The following VWF variants were observed in gnomAD, a reference collection of about 807,000 sequenced individuals.
VWF encodes the protein Factor VIII related antigen.
VWF carries 176 observed loss-of-function variants against 308.6 expected under a neutral mutation model. The ratio of observed to expected loss-of-function variants is 0.57; its 90% CI spans 0.50 to 0.65. The LOEUF (loss-of-function observed/expected upper bound fraction) is 0.65, where lower values mean the gene tolerates loss of function less well. Among genes scored for constraint, VWF ranks in the 30% least tolerant of loss-of-function variants. VWF has a pLI of 0.00. For synonymous variants in VWF, 1,385 were observed against 1,443.4 expected, an observed-to-expected ratio of 0.96 and a Z score of 0.92; for missense variants, 3,146 against 3,648.2, an observed-to-expected ratio of 0.86 and a Z score of 3.55.
intron 43 of VWF, among the ~76,000 whole-genome samples, chr12:5,974,213 C>G (rs1943508224): frequency 7.1e-6 from 1 of 141,130 alleles, no homozygotes; most frequent in Non-Finnish European, 1.6e-5. Flanking sequence ...CCATCTGTAA[C>G]TTACTTAAGC....
At chr12:5,969,540 G>T in intron 44 of VWF, 149 bp from the exon 45 acceptor site, 1 of 883,966 alleles carries the variant, frequency 1.1e-6, no homozygotes, top group Non-Finnish European at 1.7e-6. Flanking sequence ...GGCCCACGGA[G>T]GGGATGAGTG....
In VWF at chr12:6,065,260, G is replaced by A. The variant is rs1224075030; in HGVS notation, c.1170C>T (p.Val390=). The change falls in exon 11 of 52, where the codon GTC becomes GTT. Residue 390 remains valine, a synonymous_variant. Coordinates refer to ENST00000261405, the MANE Select transcript of VWF (RefSeq NM_000552.5). The stretch of plus-strand genomic sequence containing the variant: ...AGCTCTTGAAGTGTGATTGACCTGT[G>A]ACAAGGCACTCCCCTGGAGAGACAC... ...SNEECPGECL[V]TGQSHFKSFD... 1.9e-6 allele frequency: 3 copies of A among 1,614,164 alleles called. No individual in the cohort carries two copies. Among genetic ancestry groups the A allele is most frequent in the South Asian group, 2.2e-5 (2 of 91,060 alleles).
At chr12:5,962,603 T>C (rs4495941) in intron 47 of VWF, among the ~76,000 whole-genome samples, 97,565 of 145,888 alleles carry the variant, frequency 0.67, 34,887 homozygotes, top group African/African-American at 0.91. Flanking sequence ...AGTGCAGTGG[T>C]ACAATCTCGG....
chr12:6,069,496 G>C (rs896569054), intron 10 of VWF, among the ~76,000 whole-genome samples: 2 of 152,002 alleles, frequency 1.3e-5, no homozygotes, highest in Non-Finnish European at 2.9e-5. Context: ...GAACCATACC[G>C]CCTATTCTTC....
At position 6,052,704 on chromosome 12, in the gene VWF, C is replaced by T. The variant is rs779045480; in HGVS notation, c.2025G>A (p.Pro675=). 71 of 1,614,076 alleles carry T rather than the reference C, an allele frequency of 4.4e-5. No individual in the cohort carries two copies. Among genetic ancestry groups the T allele is most frequent in the Middle Eastern group, 1.6e-4 (1 of 6,084 alleles). Residue 675 remains proline, a synonymous_variant, in exon 16 of 52, where the codon CCG becomes CCA. Transcript: ENST00000261405. ...CNLTCRSLSY[P]DEECNEACLE... ...GGCAGGCCTCATTGCATTCCTCATC[C>T]GGGTAAGAGAGAGAGCGGCAGGTCA...
intron 18 of VWF, among the ~76,000 whole-genome samples, chr12:6,043,230 G>A (rs568356951): frequency 6.6e-6 from 1 of 152,326 alleles, no homozygotes; most frequent in South Asian, 2.1e-4. Context: ...AGAAAGAGTT[G>A]AAGGGGAAGT....
chr12:6,032,007 T>A (rs969745600), intron 20 of VWF, among the ~76,000 whole-genome samples: 1 of 152,204 alleles, frequency 6.6e-6, no homozygotes, highest in Non-Finnish European at 1.5e-5. Context: ...TGAATCCCTC[T>A]GCACTGCTGG....
At chr12:5,966,466 C>T (rs892216629) in intron 47 of VWF, among the ~76,000 whole-genome samples, 1 of 152,232 alleles carries the variant, frequency 6.6e-6, no homozygotes, top group African/African-American at 2.4e-5. Flanking sequence ...CCGCTCCATA[C>T]TTCTTTTATT....
At chr12:5,999,688 A>C (rs1943850368) in intron 34 of VWF, among the ~76,000 whole-genome samples, 1 of 152,176 alleles carries the variant, frequency 6.6e-6, no homozygotes, top group Non-Finnish European at 1.5e-5. Context: ...AAAACAAAAA[A>C]CAAAATGTTA....
At position 6,024,883 on chromosome 12, in the gene VWF, C is replaced by T. The variant is rs910283658; in HGVS notation, c.3222+697G>A. ...ACTAAAAATACAAAAATTAGCTGGG[C>T]GTGGTGGCAGGTGCCTGTAATCCCA... On this transcript the variant is annotated intron_variant, in intron 24 of 51. Transcript: ENST00000261405. This position sits in a 1 kb window ranked among gnomAD's most constrained non-coding sequence, Gnocchi z 4.0. Among the ~76,000 whole-genome samples the T allele has an allele frequency of 1.3e-5, 2 of 152,006 alleles. No individual in the cohort carries two copies. Among genetic ancestry groups the T allele is most frequent in the African/African-American group, 4.8e-5 (2 of 41,386 alleles).
intron 47 of VWF, among the ~76,000 whole-genome samples, chr12:5,963,119 C>T (rs1056317193): frequency 1.3e-5 from 2 of 152,112 alleles, no homozygotes; most frequent in Non-Finnish European, 1.5e-5. Flanking sequence ...AGAAAAACAT[C>T]TATAAACTGA....
At chr12:5,986,898 T>C (rs1487069842) in intron 38 of VWF, among the ~76,000 whole-genome samples, 1 of 143,890 alleles carries the variant, frequency 6.9e-6, no homozygotes, top group African/African-American at 2.6e-5. Flanking sequence ...TTTGTTTCTT[T>C]GTTATTTTAT....
intron 34 of VWF, among the ~76,000 whole-genome samples, chr12:5,999,668 C>A (rs554121518): frequency 6.6e-6 from 1 of 151,740 alleles, no homozygotes; most frequent in African/African-American, 2.4e-5. Context: ...GAAAATTCCA[C>A]AAAAAGGAAA....
chr12:5,949,231 C>A (rs762915738), intron 51 of VWF, 28 bp from the exon 52 acceptor site: 17 of 1,609,938 alleles, frequency 1.1e-5, no homozygotes, highest in East Asian at 2.2e-5. Flanking sequence ...AAGATGGGAG[C>A]TTCACAATGG....
chr12:6,075,184 G>T lies in VWF; in HGVS notation c.874+151C>A. The T allele has an allele frequency of 4.1e-6, 4 of 971,708 alleles. No homozygotes were observed. Among genetic ancestry groups the T allele is most frequent in the Non-Finnish European group, 6.2e-6 (4 of 646,030 alleles). 60.2% of individuals were successfully genotyped at this position (971,708 alleles called of 1,614,324 possible). On this transcript the variant is annotated intron_variant, in intron 7 of 51. Coordinates refer to ENST00000261405, the MANE Select transcript of VWF (RefSeq NM_000552.5). The surrounding 1 kb of genome is among the most constrained non-coding windows in gnomAD (Gnocchi z 4.7). ...AGAGGGCAGGAGCCATTCAGGAAATGGGTCCGGGACACGTGGCTTTGTAGT... is the reference window on the plus strand; with the variant it reads ...AGAGGGCAGGAGCCATTCAGGAAATTGGTCCGGGACACGTGGCTTTGTAGT...
At chr12:6,068,580 C>T (rs758138725) in intron 10 of VWF, among the ~76,000 whole-genome samples, 4 of 152,116 alleles carry the variant, frequency 2.6e-5, no homozygotes, top group Non-Finnish European at 5.9e-5. Flanking sequence ...CACAATTCTC[C>T]TGCCTCAGCT....
At position 6,012,094 on chromosome 12, in the gene VWF, T is replaced by C; in HGVS notation, c.5657A>G (p.Glu1886Gly). Residue 1886 changes from glutamate to glycine, a missense_variant, in exon 33 of 52, where the codon GAG becomes GGG. Coordinates refer to ENST00000261405, the MANE Select transcript of VWF (RefSeq NM_000552.5). ...VRICMDEDGN[E>G]KRPGDVWTLP... ...CAACAGAAAGGAACTTACCCTCTTC[T>C]CATTCCCATCCTCATCCATGCAAAT... 1 of 1,614,094 alleles carries C rather than the reference T, an allele frequency of 6.2e-7. No homozygotes were observed. Among genetic ancestry groups the C allele is most frequent in the Non-Finnish European group, 8.5e-7 (1 of 1,179,938 alleles).
At chr12:6,000,634 C>T (rs570539934) in intron 34 of VWF, among the ~76,000 whole-genome samples, 8 of 151,136 alleles carry the variant, frequency 5.3e-5, no homozygotes, top group Non-Finnish European at 1.0e-4. Flanking sequence ...GGTGAAACCC[C>T]GTCTCTACAA....
At chr12:5,961,802 C>A (rs567018393) in intron 47 of VWF, among the ~76,000 whole-genome samples, 2 of 152,028 alleles carry the variant, frequency 1.3e-5, no homozygotes, top group South Asian at 4.1e-4. Context: ...AAAATCATTG[C>A]AGAGAAAAAT....
Sources: allele counts gnomAD v4.1 joint callset (sites outside exome capture counted in the v4.1 genomes callset), GRCh38; gene constraint gnomAD v4.1.1; non-coding constraint Gnocchi (gnomAD v3.1); transcripts MANE v1.5; gene names NCBI Gene and HGNC (gene_info 2026-07-23, HGNC 2026-07-21).